The following LHFPL6 variants were observed in gnomAD, a reference collection of about 807,000 sequenced individuals.
The protein encoded by LHFPL6 is LHFPL tetraspan subfamily member 6 protein.
Under a neutral mutation model 20.6 loss-of-function variants are expected in LHFPL6, and 9 were observed. The ratio of observed to expected loss-of-function variants is 0.44; its 90% CI spans 0.26 to 0.76. The LOEUF (loss-of-function observed/expected upper bound fraction) is 0.76. Among genes scored for constraint, LHFPL6 ranks in the 30% least tolerant of loss-of-function variants. The pLI is 0.20. For missense variants in LHFPL6, 218 were observed against 253.5 expected, an observed-to-expected ratio of 0.86 and a Z score of 0.95; for synonymous variants, 105 against 98.7, an observed-to-expected ratio of 1.06 and a Z score of -0.38.
intron 2 of LHFPL6, among the ~76,000 whole-genome samples, chr13:39,485,757 T>C (rs1868702829): frequency 6.6e-6 from 1 of 152,204 alleles, no homozygotes; most frequent in Non-Finnish European, 1.5e-5. Context: ...TTTTCAAATC[T>C]AGAAATTGTA....
chr13:39,554,232 T>C (rs1224450798), intron 2 of LHFPL6, among the ~76,000 whole-genome samples: 1 of 152,202 alleles, frequency 6.6e-6, no homozygotes, highest in African/African-American at 2.4e-5. Context: ...CAGATGTAGA[T>C]CTCAAAGTTA....
At chr13:39,586,857 A>G (rs1872463868) in intron 2 of LHFPL6, among the ~76,000 whole-genome samples, 1 of 152,204 alleles carries the variant, frequency 6.6e-6, no homozygotes. Context: ...TTAGTTAAGT[A>G]CATAATCCTC....
intron 2 of LHFPL6, among the ~76,000 whole-genome samples, chr13:39,474,468 T>TA (rs1369769556): frequency 6.6e-6 from 1 of 152,218 alleles, no homozygotes; most frequent in Non-Finnish European, 1.5e-5. Flanking sequence ...GTTCATAATT[T>TA]AAAAATTATG....
chr13:39,501,633 C>CA (rs1196414301), intron 2 of LHFPL6, among the ~76,000 whole-genome samples: 1 of 151,528 alleles, frequency 6.6e-6, no homozygotes, highest in African/African-American at 2.4e-5. Context: ...TGGCATTTCA[C>CA]AAAAAAAGAG....
chr13:39,534,033 C>T (rs1217779347), intron 2 of LHFPL6, among the ~76,000 whole-genome samples: 1 of 152,072 alleles, frequency 6.6e-6, no homozygotes, highest in African/African-American at 2.4e-5. Flanking sequence ...AGACTGCTTT[C>T]CTGGCATAAG....
Position 39,478,283 on chromosome 13 carries a change from A to G in LHFPL6, c.386-99757T>C, listed in dbSNP as rs565068660. Among the ~76,000 whole-genome samples, 3 of 152,272 alleles carry G rather than the reference A, an allele frequency of 2.0e-5. No homozygotes were observed. The East Asian group carries it at 5.8e-4, about 29-fold the overall frequency. On this transcript the variant is annotated intron_variant, in intron 2 of 3. Coordinates refer to ENST00000379589, the MANE Select transcript of LHFPL6 (RefSeq NM_005780.3). ...TCAGATTTTCCTTTTGGAAACCAGC[A>G]CTATAAACATGTTTTGAGTCTCTGT... is the stretch of plus-strand genomic sequence containing the variant.
chr13:39,374,865 T>C (rs1194801675), intron 3 of LHFPL6, among the ~76,000 whole-genome samples: 3 of 152,214 alleles, frequency 2.0e-5, no homozygotes, highest in African/African-American at 7.2e-5. Context: ...TGATGCCACA[T>C]CCCCAGCACC....
At position 39,362,584 on chromosome 13, in the gene LHFPL6, T is replaced by C. The variant is rs188737823; in HGVS notation, c.484+15844A>G. On this transcript the variant is annotated intron_variant, in intron 3 of 3. Coordinates refer to ENST00000379589, the MANE Select transcript of LHFPL6 (RefSeq NM_005780.3). ...CAATAAACATATTGACCATATGATA[T>C]GCAAAATGAGACACCTGCATAATGG... is the stretch of plus-strand genomic sequence containing the variant. Among the ~76,000 whole-genome samples, 360 of 152,366 alleles carry C rather than the reference T, an allele frequency of 2.4e-3. 1 individual carries two copies. The highest frequency in any genetic ancestry group is 8.1e-3 in the African/African-American group (336 of 41,584).
chr13:39,550,339 A>T (rs1319982739), intron 2 of LHFPL6, among the ~76,000 whole-genome samples: 5 of 152,042 alleles, frequency 3.3e-5, no homozygotes, highest in Admixed American at 6.5e-5. Context: ...GGTGGGGGTT[A>T]CACATTTGTA....
At chr13:39,452,429 A>G (rs1872473926) in intron 2 of LHFPL6, among the ~76,000 whole-genome samples, 1 of 152,236 alleles carries the variant, frequency 6.6e-6, no homozygotes, top group South Asian at 2.1e-4. Flanking sequence ...AACTTAGAGA[A>G]GAGAAAGGGA....
chr13:39,416,592 C>A (rs1217334018), intron 2 of LHFPL6, among the ~76,000 whole-genome samples: 1 of 152,134 alleles, frequency 6.6e-6, no homozygotes, highest in Non-Finnish European at 1.5e-5. Flanking sequence ...AAGTCTGCAG[C>A]TGGAGAACAG....
At chr13:39,433,521 C>G (rs1382013387) in intron 2 of LHFPL6, among the ~76,000 whole-genome samples, 1 of 152,170 alleles carries the variant, frequency 6.6e-6, no homozygotes, top group Non-Finnish European at 1.5e-5. Flanking sequence ...CCAGAGGAAA[C>G]TCCTGACAAG....
intron 2 of LHFPL6, among the ~76,000 whole-genome samples, chr13:39,514,672 C>G (rs1250096850): frequency 1.3e-5 from 2 of 152,236 alleles, no homozygotes; most frequent in African/African-American, 2.4e-5. Context: ...GGCAAGGTTA[C>G]ATCCCCAACC....
intron 3 of LHFPL6, among the ~76,000 whole-genome samples, chr13:39,371,071 C>T (rs1263686633): frequency 6.6e-6 from 1 of 152,010 alleles, no homozygotes; most frequent in Non-Finnish European, 1.5e-5. Context: ...GAGATTTCTT[C>T]CTTTGATTGA....
rs141432718 is a variant in LHFPL6 at position 39,377,555 on chromosome 13, C to T, written c.484+873G>A. Among the ~76,000 whole-genome samples the T allele has an allele frequency of 1.2e-4, 18 of 152,108 alleles. No homozygotes were observed. In the East Asian group the frequency reaches 3.3e-3, roughly 28 times the overall value. ...AACAGATACTGGAATAGACTAAATG[C>T]CCAGCTAGAAAGAAATAAGAAAGTG... On this transcript the variant is annotated intron_variant, in intron 3 of 3. Transcript: ENST00000379589.
At chr13:39,599,321 T>A (rs1179427177) in intron 2 of LHFPL6, among the ~76,000 whole-genome samples, 1 of 152,174 alleles carries the variant, frequency 6.6e-6, no homozygotes, top group Non-Finnish European at 1.5e-5. Context: ...CAGAAAAAAA[T>A]TTTAAATACT....
chr13:39,370,185 A>G (rs181943549), intron 3 of LHFPL6, among the ~76,000 whole-genome samples: 2 of 152,170 alleles, frequency 1.3e-5, no homozygotes, highest in Non-Finnish European at 2.9e-5. Flanking sequence ...CAGTCATGTC[A>G]TCACTGGCCA....
intron 2 of LHFPL6, among the ~76,000 whole-genome samples, chr13:39,488,771 T>A (rs1191223930): frequency 6.6e-6 from 1 of 152,212 alleles, no homozygotes; most frequent in Non-Finnish European, 1.5e-5. Flanking sequence ...GGTCACCCAA[T>A]GAATGGTGCT....
At chr13:39,433,539 A>G (rs1310088768) in intron 2 of LHFPL6, among the ~76,000 whole-genome samples, 1 of 152,242 alleles carries the variant, frequency 6.6e-6, no homozygotes, top group African/African-American at 2.4e-5. Context: ...AAGGTTGCAG[A>G]CATCTGGACA....
Sources: allele counts gnomAD v4.1 joint callset (sites outside exome capture counted in the v4.1 genomes callset), GRCh38; gene constraint gnomAD v4.1.1; transcripts MANE v1.5; gene names NCBI Gene and HGNC (gene_info 2026-07-23, HGNC 2026-07-21).